GHR: variants seen among roughly 807,000 people sequenced by gnomAD.
The protein encoded by GHR is growth hormone receptor.
In GHR, 35 loss-of-function variants were observed where a neutral mutation model predicts 67.1. The observed-to-expected ratio is 0.52, with a 90% CI of 0.40 to 0.69. The LOEUF (loss-of-function observed/expected upper bound fraction) is 0.69, where lower values mean the gene tolerates loss of function less well. Ranked by LOEUF, GHR falls within the 30% of genes least tolerant of loss-of-function variation. The probability of loss-of-function intolerance (pLI) is 0.00; values close to 1 mark genes in which losing one functional copy is unlikely to be tolerated. For missense variants in GHR, 792 were observed against 764.6 expected (o/e 1.04, Z -0.42); for synonymous variants, 272 against 269.1 (o/e 1.01, Z -0.10).
chr5:42,607,298 G>A (rs945108665), intron 2 of GHR, among the ~76,000 whole-genome samples: 3 of 152,162 alleles, frequency 2.0e-5, no homozygotes, highest in Non-Finnish European at 2.9e-5. Flanking sequence ...AAGTCCCTCA[G>A]GGAGGAGCTG....
intron 1 of GHR, among the ~76,000 whole-genome samples, chr5:42,432,402 A>G (rs760284139): frequency 1.3e-5 from 2 of 152,198 alleles, no homozygotes; most frequent in Non-Finnish European, 2.9e-5. Flanking sequence ...CTTGAATTTG[A>G]TGATGGCTGG....
intron 1 of GHR, among the ~76,000 whole-genome samples, chr5:42,547,413 T>A (rs1748786334): frequency 6.6e-6 from 1 of 152,154 alleles, no homozygotes; most frequent in Non-Finnish European, 1.5e-5. Flanking sequence ...GGAATGGTCA[T>A]GATTGTTCTA....
intron 3 of GHR, among the ~76,000 whole-genome samples, chr5:42,629,330 TGGAGACTG>T (rs1452888335): frequency 1.5e-5 from 2 of 132,074 alleles, no homozygotes; most frequent in Non-Finnish European, 3.2e-5. Context: ...ATGTTGGAAG[TGGAGACTG>T]GGAGGAGATG....
At chr5:42,563,091 A>G (rs1236783152) in intron 1 of GHR, among the ~76,000 whole-genome samples, 2 of 152,224 alleles carry the variant, frequency 1.3e-5, no homozygotes, top group Non-Finnish European at 2.9e-5. Context: ...GAGATGTCTG[A>G]AGAGGTGACT....
chr5:42,544,499 T>C (rs867649052), intron 1 of GHR, among the ~76,000 whole-genome samples: 1 of 152,162 alleles, frequency 6.6e-6, no homozygotes, highest in South Asian at 2.1e-4. Flanking sequence ...TACCCTTCCA[T>C]GTAGCAACAT....
chr5:42,631,099 C>T (rs1323042510), intron 3 of GHR, among the ~76,000 whole-genome samples: 2 of 152,070 alleles, frequency 1.3e-5, no homozygotes, highest in Non-Finnish European at 2.9e-5. Flanking sequence ...GAAAGTGTGC[C>T]CAAGGCCGTC....
rs1473456139 is a variant in GHR, at chr5:42,424,619, G to A, written c.-12+664G>A. 5 of 1,532,586 alleles carry A rather than the reference G, an allele frequency of 3.3e-6. No homozygotes were observed. The East Asian group carries it at 1.2e-4, about 38-fold the overall frequency. 94.9% of individuals were successfully genotyped at this position (1,532,586 alleles called of 1,614,324 possible). On this transcript the variant is annotated intron_variant, in intron 1 of 9. Coordinates refer to ENST00000230882, the MANE Select transcript of GHR (RefSeq NM_000163.5). This position sits in a 1 kb window ranked among gnomAD's most constrained non-coding sequence, Gnocchi z 4.1. ...CTGGGGTAAGTGGAAATTGTGGCGA[G>A]CCGACCTCCCCCAGCTTTTGACACA... is the stretch of plus-strand genomic sequence containing the variant.
intron 3 of GHR, among the ~76,000 whole-genome samples, chr5:42,658,823 G>A (rs1459226754): frequency 6.6e-6 from 1 of 152,046 alleles, no homozygotes; most frequent in Non-Finnish European, 1.5e-5. Flanking sequence ...CCAATAGTGT[G>A]GAAGTTGAGA....
At chr5:42,524,711 G>T (rs1007947428) in intron 1 of GHR, among the ~76,000 whole-genome samples, 1 of 152,166 alleles carries the variant, frequency 6.6e-6, no homozygotes, top group Non-Finnish European at 1.5e-5. Flanking sequence ...CAGAGGCCCA[G>T]GAGGAAAAAT....
Position 42,533,281 on chromosome 5 carries a change from T to C in GHR, c.-11-32583T>C, listed in dbSNP as rs542290783. ...TTCTTCTATTATCTTTTCTTCTCTT[T>C]ATTAATTTATAGAAATGTATGTGTG... On this transcript the variant is annotated intron_variant, in intron 1 of 9. Coordinates refer to ENST00000230882, the MANE Select transcript of GHR (RefSeq NM_000163.5). 9.6e-4 allele frequency among the ~76,000 whole-genome samples: 146 copies of C among 152,244 alleles called. 1 individual carries two copies. The highest frequency in any genetic ancestry group is 3.2e-3 in the African/African-American group (133 of 41,566).
rs926165304 is a variant in GHR at position 42,680,334 on chromosome 5, A to G, written c.137-8556A>G. On this transcript the variant is annotated intron_variant, in intron 3 of 9. Transcript: ENST00000230882. ...CAGGGTGACTGAGCATGCTGTAACC[A>G]TTCTTCTCTTCTAAAACTGACCCTT... 2.0e-5 allele frequency among the ~76,000 whole-genome samples: 3 copies of G among 152,276 alleles called. No homozygotes were observed. In the South Asian group the frequency reaches 6.2e-4, roughly 32 times the overall value.
At chr5:42,539,722 T>G (rs1362322578) in intron 1 of GHR, among the ~76,000 whole-genome samples, 1 of 152,216 alleles carries the variant, frequency 6.6e-6, no homozygotes, top group Non-Finnish European at 1.5e-5. Context: ...TAATGCCTCC[T>G]CTGTTGTAAA....
chr5:42,551,247 A>T (rs1400291131), intron 1 of GHR, among the ~76,000 whole-genome samples: 4 of 152,150 alleles, frequency 2.6e-5, no homozygotes, highest in Non-Finnish European at 4.4e-5. Flanking sequence ...ACCCACAGGG[A>T]TTTATCATCT....
intron 3 of GHR, among the ~76,000 whole-genome samples, chr5:42,676,392 C>A (rs1756575100): frequency 1.3e-5 from 2 of 152,178 alleles, no homozygotes; most frequent in Admixed American, 1.3e-4. Flanking sequence ...GCTGTACCTT[C>A]TTAATTCTAC....
intron 6 of GHR, among the ~76,000 whole-genome samples, chr5:42,707,737 T>C (rs1036496638): frequency 5.3e-5 from 8 of 152,024 alleles, no homozygotes; most frequent in Non-Finnish European, 1.5e-5. Context: ...TTTAACCTGA[T>C]AACAATTTAA....
chr5:42,664,777 C>CA (rs1169559868), intron 3 of GHR, among the ~76,000 whole-genome samples: 1 of 152,094 alleles, frequency 6.6e-6, no homozygotes, highest in Non-Finnish European at 1.5e-5. Flanking sequence ...TTCTGCACAG[C>CA]AAAAGAAACT....
chr5:42,670,016 A>G lies in GHR; in HGVS notation c.137-18874A>G, dbSNP rs548116937. On this transcript the variant is annotated intron_variant, in intron 3 of 9. Transcript: ENST00000230882. ...AAAGTCATTCTTTATAGCAGTAGAA[A>G]AAAATCATAAAATTCATATGGAACC... is the stretch of plus-strand genomic sequence containing the variant. Among the ~76,000 whole-genome samples, 167 of 152,360 alleles carry G rather than the reference A, an allele frequency of 1.1e-3. No individual in the cohort carries two copies. The Middle Eastern group carries it at 0.017, about 16-fold the overall frequency.
At chr5:42,667,419 C>T (rs1756044345) in intron 3 of GHR, among the ~76,000 whole-genome samples, 1 of 152,048 alleles carries the variant, frequency 6.6e-6, no homozygotes, top group Non-Finnish European at 1.5e-5. Flanking sequence ...TCAATATTTT[C>T]CTTTAAGGAA....
chr5:42,458,464 TA>T (rs35927683), intron 1 of GHR, among the ~76,000 whole-genome samples: 9 of 151,962 alleles, frequency 5.9e-5, no homozygotes, highest in African/African-American at 2.2e-4. Flanking sequence ...TTACACCATA[TA>T]AAAAAATCAA....
Sources: gnomAD v4.1 joint callset for allele counts (sites outside exome capture counted in the v4.1 genomes callset) on GRCh38, gnomAD v4.1.1 for gene constraint, Gnocchi (gnomAD v3.1) non-coding constraint, MANE v1.5 for transcripts, NCBI Gene and HGNC (gene_info 2026-07-23, HGNC 2026-07-21) for gene names.